Variants in CNTRL observed in about 807,000 individuals in gnomAD.
CNTRL encodes 110 kDa centrosomal protein.
CNTRL carries 233 observed loss-of-function variants against 303.7 expected under a neutral mutation model. The observed-to-expected ratio is 0.77, with a 90% CI of 0.69 to 0.86. CNTRL has a LOEUF of 0.86. Among genes scored for constraint, CNTRL ranks in the 40% least tolerant of loss-of-function variants. The pLI is 0.00. For synonymous variants in CNTRL, 900 were observed against 922.2 expected (o/e 0.98, Z 0.44); for missense variants, 2,524 against 2,650.6 (o/e 0.95, Z 1.05).
At chr9:121,147,903 G>T (rs1314806912) in intron 23 of CNTRL, among the ~76,000 whole-genome samples, 1 of 152,164 alleles carries the variant, frequency 6.6e-6, no homozygotes, top group Non-Finnish European at 1.5e-5. Flanking sequence ...CTGGGTGAGG[G>T]TTTAGAGGAT....
intron 11 of CNTRL, among the ~76,000 whole-genome samples, chr9:121,116,818 A>T (rs1290448254): frequency 6.6e-6 from 1 of 152,156 alleles, no homozygotes; most frequent in African/African-American, 2.4e-5. Context: ...GTGCTGGTGG[A>T]TGTGGAGAGA....
intron 7 of CNTRL, 21 bp from the exon 8 acceptor site, chr9:121,107,780 AC>A: frequency 1.4e-6 from 2 of 1,388,932 alleles, no homozygotes; most frequent in Non-Finnish European, 1.9e-6. Context: ...TGATAAATAA[AC>A]TATTAAATTT....
chr9:121,078,276 T>C (rs1390153364), intron 1 of CNTRL, among the ~76,000 whole-genome samples: 2 of 152,116 alleles, frequency 1.3e-5, no homozygotes, highest in Non-Finnish European at 2.9e-5. Flanking sequence ...GGCGTGGTGC[T>C]GTGCACCTGT....
Position 121,098,224 on chromosome 9 carries a change from A to G in CNTRL, c.622-162A>G, listed in dbSNP as rs149613733. On this transcript the variant is annotated intron_variant, in intron 6 of 43. Transcript: ENST00000373855. ...ATACCTAATACTGCCCAAATACACT[A>G]TAAATACTCATATACTCCCTTTCCT... is the stretch of plus-strand genomic sequence containing the variant. Among the ~76,000 whole-genome samples the G allele has an allele frequency of 4.4e-3, 677 of 152,354 alleles. 4 individuals carry two copies. The highest frequency in any genetic ancestry group is 0.011 in the African/African-American group (445 of 41,580).
chr9:121,144,161 G>T (rs2051693491), intron 20 of CNTRL, 79 bp downstream of exon 20: 2 of 1,237,768 alleles, frequency 1.6e-6, no homozygotes, highest in Non-Finnish European at 2.2e-6. Flanking sequence ...TATTGATCTT[G>T]CTATAGACAT....
At chr9:121,112,627 A>C in intron 9 of CNTRL, 49 bp downstream of exon 9, 1 of 1,590,054 alleles carries the variant, frequency 6.3e-7, no homozygotes, top group Non-Finnish European at 8.6e-7. Context: ...CCCACATGGG[A>C]TGGAATGGGG....
chr9:121,110,841 T>A (rs2049715040), intron 8 of CNTRL, among the ~76,000 whole-genome samples: 1 of 152,156 alleles, frequency 6.6e-6, no homozygotes, highest in African/African-American at 2.4e-5. Flanking sequence ...ACTTTCCAGT[T>A]CATTTGACAT....
At chr9:121,148,901 C>T (rs529396950) in intron 24 of CNTRL, 40 bp downstream of exon 24, 333 of 1,562,084 alleles carry the variant, frequency 2.1e-4, no homozygotes, top group Non-Finnish European at 2.5e-4. Context: ...TTCTCTTGCC[C>T]GTTTAATAAC....
chr9:121,099,495 G>A (rs1189316774), intron 7 of CNTRL, among the ~76,000 whole-genome samples: 1 of 152,214 alleles, frequency 6.6e-6, no homozygotes, highest in Non-Finnish European at 1.5e-5. Flanking sequence ...CAGAGCGCCT[G>A]TTCTCCTCCA....
chr9:121,112,378 G>A (rs1178827240), intron 8 of CNTRL, 81 bp from the exon 9 acceptor site: 3 of 1,276,898 alleles, frequency 2.3e-6, no homozygotes, highest in East Asian at 4.8e-5. Flanking sequence ...TATAACTTAC[G>A]ATGAGAACTT....
At chr9:121,158,749 T>G in intron 30 of CNTRL, 106 bp from the exon 31 acceptor site, 1 of 1,081,856 alleles carries the variant, frequency 9.2e-7, no homozygotes, top group Non-Finnish European at 1.4e-6. Context: ...TCTTGGGGGC[T>G]AGGATATTAG....
intron 12 of CNTRL, among the ~76,000 whole-genome samples, chr9:121,118,875 G>A (rs2050096667): frequency 6.6e-6 from 1 of 152,088 alleles, no homozygotes; most frequent in African/African-American, 2.4e-5. Context: ...GTAATCTAGA[G>A]ATGATTTTAA....
intron 13 of CNTRL, among the ~76,000 whole-genome samples, 182 bp from the exon 14 acceptor site, chr9:121,125,534 C>G (rs942657784): frequency 6.6e-6 from 1 of 152,002 alleles, no homozygotes; most frequent in Admixed American, 6.6e-5. Flanking sequence ...TTATTTTATA[C>G]CTGCTTAATA....
intron 12 of CNTRL, 34 bp downstream of exon 12, chr9:121,118,574 C>G: frequency 6.7e-7 from 1 of 1,486,942 alleles, no homozygotes; most frequent in South Asian, 1.4e-5. Context: ...CTTGTTCTGT[C>G]TACATATTAC....
intron 31 of CNTRL, among the ~76,000 whole-genome samples, chr9:121,159,303 C>T (rs1007597984): frequency 6.6e-6 from 1 of 152,122 alleles, no homozygotes; most frequent in African/African-American, 2.4e-5. Flanking sequence ...CCAGATCCCA[C>T]CTGTTTCTCA....
In CNTRL at chr9:121,175,106, G is replaced by A. The variant is rs777390305; in HGVS notation, c.6836G>A (p.Arg2279Lys). The A allele has an allele frequency of 8.1e-6, 13 of 1,614,046 alleles. No homozygotes were observed. In the East Asian group the frequency reaches 2.9e-4, roughly 36 times the overall value. The change falls in exon 43 of 44, where the codon AGA becomes AAA. Residue 2279 changes from arginine to lysine, a missense_variant. Physicochemically the swap from Arg to Lys is conservative, Grantham distance 26. Transcript: ENST00000373855. ...GAGGGCACTTTACACAGTTTGAGGA[G>A]ACAAGTAGATGCTTTAGGGGAATTG... is the stretch of plus-strand genomic sequence containing the variant. Reference protein sequence around the residue: ...QTEGTLHSLRRQVDALGELVT... With the variant: ...QTEGTLHSLRKQVDALGELVT...
intron 14 of CNTRL, among the ~76,000 whole-genome samples, chr9:121,132,870 G>A (rs2050947769): frequency 6.6e-6 from 1 of 152,148 alleles, no homozygotes; most frequent in African/African-American, 2.4e-5. Flanking sequence ...CTGTTTGTTA[G>A]TTTTCCTTCT....
chr9:121,117,398 T>C (rs543360556), intron 11 of CNTRL, among the ~76,000 whole-genome samples: 1 of 152,346 alleles, frequency 6.6e-6, no homozygotes, highest in Non-Finnish European at 1.5e-5. Context: ...TTTTTATATT[T>C]GTTTAAATCT....
At chr9:121,166,501 T>C (rs1434134571) in intron 36 of CNTRL, among the ~76,000 whole-genome samples, 1 of 152,162 alleles carries the variant, frequency 6.6e-6, no homozygotes, top group Admixed American at 6.5e-5. Flanking sequence ...CTCTCATCCA[T>C]GACACAGATG....
Sources: allele counts gnomAD v4.1 joint callset (sites outside exome capture counted in the v4.1 genomes callset), GRCh38; gene constraint gnomAD v4.1.1; transcripts MANE v1.5; gene names NCBI Gene and HGNC (gene_info 2026-07-23, HGNC 2026-07-21).